The following FDXR variants were observed in gnomAD, a reference collection of about 807,000 sequenced individuals.
The protein encoded by FDXR is NADPH:adrenodoxin oxidoreductase, mitochondrial.
Under a neutral mutation model 58.3 loss-of-function variants are expected in FDXR, and 38 were observed. That is an observed-to-expected ratio of 0.65 (90% CI 0.50 to 0.85). The LOEUF (loss-of-function observed/expected upper bound fraction) is 0.85. FDXR is among the 40% of genes least tolerant of loss of function. FDXR has a pLI of 0.00. For synonymous variants in FDXR, 275 were observed against 273.8 expected, an observed-to-expected ratio of 1.00 and a Z score of -0.04; for missense variants, 624 against 671.0, an observed-to-expected ratio of 0.93 and a Z score of 0.77.
intron 10 of FDXR, 117 bp from the exon 11 acceptor site, chr17:74,863,363 G>T: frequency 9.9e-7 from 1 of 1,014,230 alleles, no homozygotes; most frequent in Non-Finnish European, 1.4e-6. Context: ...CCTCTTGGCA[G>T]ACTGTCGGCT....
intron 2 of FDXR, chr17:74,870,146 C>T (rs2038323043): frequency 9.6e-6 from 3 of 311,968 alleles, no homozygotes; most frequent in South Asian, 7.1e-5. Context: ...AGGATTGTAC[C>T]TGGCCTGAGC....
In FDXR at chr17:74,865,756, A is replaced by G. The variant is rs368474400; in HGVS notation, c.572T>C (p.Val191Ala). The change falls in exon 6 of 12, where the codon GTG becomes GCG. Residue 191 changes from valine to alanine, a missense_variant. Coordinates refer to ENST00000293195, the MANE Select transcript of FDXR (RefSeq NM_024417.5). ...ILGQGNVALD[V>A]ARILLTPPEH... ...AGGTGGGGTCAGTAGGATGCGGGCC[A>G]CGTCCAGAGCCACGTTCCCCTGCCC... 22 of 1,613,420 alleles carry G rather than the reference A, an allele frequency of 1.4e-5. No individual in the cohort carries two copies. Among genetic ancestry groups the G allele is most frequent in the Non-Finnish European group, 1.8e-5 (21 of 1,179,938 alleles).
At chr17:74,872,327 A>G in intron 1 of FDXR, 194 bp from the exon 2 acceptor site, 1 of 1,499,198 alleles carries the variant, frequency 6.7e-7, no homozygotes, top group South Asian at 1.2e-5. Context: ...CTGTGGGTTC[A>G]TCCAGAGCCC....
In FDXR at chr17:74,864,515, G is replaced by A. The variant is rs746066884; in HGVS notation, c.767C>T (p.Pro256Leu). The stretch of plus-strand genomic sequence containing the variant: ...GTCCTGGAGACCCAAGAAATCCACA[G>A]GATCCAAAATGGGCCGGGCTCCCGG... The part of the protein sequence containing the change: ...QLPGARPILD[P>L]VDFLGLQDKI... The change falls in exon 8 of 12, where the codon CCT becomes CTT. Residue 256 changes from proline to leucine, a missense_variant. Coordinates refer to ENST00000293195, the MANE Select transcript of FDXR (RefSeq NM_024417.5). 1 of 1,614,132 alleles carries A rather than the reference G, an allele frequency of 6.2e-7. No homozygotes were observed. Among genetic ancestry groups the A allele is most frequent in the Admixed American group, 1.7e-5 (1 of 60,020 alleles).
chr17:74,866,909 C>CGA (rs749340185), intron 2 of FDXR, 33 bp from the exon 3 acceptor site: 36 of 1,591,846 alleles, frequency 2.3e-5, no homozygotes, highest in Non-Finnish European at 2.8e-5. Flanking sequence ...CTGGTGGGGC[C>CGA]GAGAGAGAGA....
In FDXR at chr17:74,862,768, C is replaced by T. The variant is rs2038009823; in HGVS notation, c.*49G>A. On this transcript the variant is annotated 3_prime_UTR_variant, in exon 12 of 12. Coordinates refer to ENST00000293195, the MANE Select transcript of FDXR (RefSeq NM_024417.5). Reference sequence around the variant, plus strand: ...CACTCAGACGGACCCAGCCCTTCCCCTCCCAACACTCATCCCTTCCCTGCT... The same window carrying T: ...CACTCAGACGGACCCAGCCCTTCCCTTCCCAACACTCATCCCTTCCCTGCT... 6.4e-7 allele frequency: 1 copy of T among 1,572,276 alleles called. No individual in the cohort carries two copies. The highest frequency in any genetic ancestry group is 1.3e-5 in the African/African-American group (1 of 74,282).
intron 1 of FDXR, 189 bp from the exon 2 acceptor site, chr17:74,872,322 G>A: frequency 1.3e-6 from 2 of 1,518,360 alleles, no homozygotes; most frequent in South Asian, 2.4e-5. Context: ...AAAGGCTGTG[G>A]GTTCATCCAG....
intron 1 of FDXR, 92 bp downstream of exon 1, chr17:74,872,774 T>A: frequency 6.5e-7 from 1 of 1,536,464 alleles, no homozygotes; most frequent in Non-Finnish European, 8.7e-7. Context: ...CTCACCCTTC[T>A]CCAGCCCTGC....
intron 2 of FDXR, chr17:74,868,390 G>A (rs2038265536): frequency 1.4e-6 from 1 of 689,992 alleles, no homozygotes; most frequent in South Asian, 1.5e-5. Context: ...AGCCCGGGGT[G>A]CAACCTACTC....
intron 2 of FDXR, chr17:74,868,740 C>G (rs190228159): frequency 6.7e-7 from 1 of 1,502,936 alleles, no homozygotes; most frequent in Non-Finnish European, 8.9e-7. Context: ...TCCCCGCTAA[C>G]AAGGACATTC....
rs754527895 is a variant in FDXR at position 74,864,164 on chromosome 17, G to T, written c.986C>A (p.Ala329Glu). ...GAGACTCACCTCCAGTCTAGTGACT[G>T]CTAGGCGGACACCTGCTGCCCGCCG... Reference protein sequence around the residue: ...DGRRAAGVRLAVTRLEGVDEA... With the variant: ...DGRRAAGVRLEVTRLEGVDEA... The change falls in exon 9 of 12, where the codon GCA (alanine) becomes GAA (glutamate). Residue 329 changes from alanine (A) to glutamate (E), a missense_variant. Transcript: ENST00000293195. The T allele has an allele frequency of 2.2e-5, 36 of 1,612,778 alleles. No homozygotes were observed. The highest frequency in any genetic ancestry group is 2.9e-5 in the Non-Finnish European group (34 of 1,179,990).
chr17:74,864,042 ACTG>A lies in FDXR; in HGVS notation c.1025_1027del (p.Ala342del). 6.2e-7 allele frequency: 1 copy of A among 1,613,992 alleles called. No individual in the cohort carries two copies. The highest frequency in any genetic ancestry group is 8.5e-7 in the Non-Finnish European group (1 of 1,180,028). On this transcript the variant is annotated inframe_deletion, in exon 10 of 12. Coordinates refer to ENST00000293195, the MANE Select transcript of FDXR (RefSeq NM_024417.5). Reference sequence around the variant, plus strand: ...GAGGTCTTCCATGTCTCCCGTGGGCACTGCACGGGTGGCCTCATCGACACCCTG... The same window carrying A: ...GAGGTCTTCCATGTCTCCCGTGGGCACACGGGTGGCCTCATCGACACCCTG...
intron 2 of FDXR, chr17:74,868,193 A>C: frequency 3.3e-6 from 1 of 304,810 alleles, no homozygotes; most frequent in East Asian, 6.0e-5. Flanking sequence ...GGGGCTACCC[A>C]AACCACCTCC....
chr17:74,868,104 C>T lies in FDXR; in HGVS notation c.178-1228G>A, dbSNP rs147217598. 58 of 212,408 alleles carry T rather than the reference C, an allele frequency of 2.7e-4. 1 individual carries two copies. The East Asian group carries it at 6.1e-3, about 22-fold the overall frequency. The allele number at this position is 212,408 out of a possible 1,614,324, so 13.2% of individuals were successfully genotyped here. ...CTCTTCGCCTTTGCCCAAATCCCCC[C>T]TTCCCCTCCACTCCCCTGCCTGCAC... is the stretch of plus-strand genomic sequence containing the variant. On this transcript the variant is annotated intron_variant, in intron 2 of 11. Coordinates refer to ENST00000293195, the MANE Select transcript of FDXR (RefSeq NM_024417.5).
rs113660127 is a variant in FDXR at position 74,864,830 on chromosome 17, G to T, written c.711C>A (p.Thr237=). Residue 237 remains threonine, a synonymous_variant, in exon 7 of 12, where the codon ACC becomes ACA. Transcript: ENST00000293195. ...CCCACTCTGGCCCCAGCACCTTAAT[G>T]GTGAAGGCCACTTGCAGGGGTCCAC... The part of the protein sequence containing the change: ...GRRGPLQVAF[T]IKELREMIQL... 1 of 1,613,968 alleles carries T rather than the reference G, an allele frequency of 6.2e-7. No individual in the cohort carries two copies. Among genetic ancestry groups the T allele is most frequent in the South Asian group, 1.1e-5 (1 of 91,074 alleles).
In FDXR at chr17:74,866,835, C is replaced by T; in HGVS notation, c.219G>A (p.Val73=). The T allele has an allele frequency of 8.7e-6, 14 of 1,614,216 alleles. No homozygotes were observed. Among genetic ancestry groups the T allele is most frequent in the Non-Finnish European group, 1.2e-5 (14 of 1,180,046 alleles). ...CACCAAAGCGCACCAGGCCAAAGGG[C>T]ACAGGCTGTTTCTCGTAGATGTCCA... ...AHVDIYEKQP[V]PFGLVRFGVA... The change falls in exon 3 of 12, where the codon GTG becomes GTA. Residue 73 remains valine, a synonymous_variant. Transcript: ENST00000293195.
In FDXR at chr17:74,862,926, GAGAA is replaced by G; in HGVS notation, c.1363_1366del (p.Phe455GlnfsTer68). ...CTCGGCATCCAGCTTCTCCCAGTCT[GAGAA>G]AGAGACTGGCCGGACCCCTGAAGCA... is the stretch of plus-strand genomic sequence containing the variant. On this transcript the variant is annotated frameshift_variant, in exon 12 of 12. Transcript: ENST00000293195. LOFTEE classifies it high-confidence loss of function. The G allele has an allele frequency of 6.2e-7, 1 of 1,612,594 alleles. No homozygotes were observed. Among genetic ancestry groups the G allele is most frequent in the Non-Finnish European group, 8.5e-7 (1 of 1,179,934 alleles).
At position 74,864,251 on chromosome 17, in the gene FDXR, G is replaced by T; in HGVS notation, c.899C>A (p.Ser300Tyr). The T allele has an allele frequency of 6.2e-7, 1 of 1,602,976 alleles. No individual in the cohort carries two copies. The highest frequency in any genetic ancestry group is 8.5e-7 in the Non-Finnish European group (1 of 1,172,194). The change falls in exon 9 of 12, where the codon TCC becomes TAC. Residue 300 changes from serine to tyrosine, a missense_variant. Transcript: ENST00000293195. Reference sequence around the variant, plus strand: ...GAAAAAGCGGAGGCCCCAGGCACGGGAGGCCGATGCCTGGCGGGCAGCTTC... The same window carrying T: ...GAAAAAGCGGAGGCCCCAGGCACGGTAGGCCGATGCCTGGCGGGCAGCTTC... ...PAEAARQASA[S>Y]RAWGLRFFRS...
rs923476262 is a variant in FDXR at position 74,867,346 on chromosome 17, C to T, written c.178-470G>A. Among the ~76,000 whole-genome samples the T allele has an allele frequency of 3.5e-4, 53 of 151,298 alleles. 1 individual carries two copies. Among genetic ancestry groups the T allele is most frequent in the Admixed American group, 5.3e-4 (8 of 15,228 alleles). Reference sequence around the variant, plus strand: ...AAAAAAAAAAAAAGACGACGACGGCCGGCCCTCAGAGATGGGGAGAAATGT... The same window carrying T: ...AAAAAAAAAAAAAGACGACGACGGCTGGCCCTCAGAGATGGGGAGAAATGT... On this transcript the variant is annotated intron_variant, in intron 2 of 11. Coordinates refer to ENST00000293195, the MANE Select transcript of FDXR (RefSeq NM_024417.5).
Sources: allele counts gnomAD v4.1 joint callset (sites outside exome capture counted in the v4.1 genomes callset), GRCh38; gene constraint gnomAD v4.1.1; transcripts MANE v1.5; gene names NCBI Gene and HGNC (gene_info 2026-07-23, HGNC 2026-07-21).